Variants in ADAMTS5 observed in about 807,000 individuals in gnomAD.
ADAMTS5 encodes the protein ADAM metallopeptidase with thrombospondin type 1 motif 5, also known as A disintegrin and metalloproteinase with thrombospondin motifs 5.
A neutral mutation model predicts 81.4 loss-of-function variants in ADAMTS5; 54 were observed. The ratio of observed to expected loss-of-function variants is 0.66; its 90% CI spans 0.53 to 0.83. The LOEUF is 0.83. Among genes scored for constraint, ADAMTS5 ranks in the 40% least tolerant of loss-of-function variants. The pLI is 0.00. For missense variants in ADAMTS5, 1,194 were observed against 1,229.9 expected (o/e 0.97, Z 0.44); for synonymous variants, 532 against 508.8 (o/e 1.05, Z -0.61).
chr21:26,931,945 T>G, intron 6 of ADAMTS5, 59 bp downstream of exon 6: 1 of 1,496,510 alleles, frequency 6.7e-7, no homozygotes. Flanking sequence ...CAGGCTTCAT[T>G]CTACCAAATA....
At position 26,933,016 on chromosome 21, in the gene ADAMTS5, C is replaced by T; in HGVS notation, c.1718G>A (p.Trp573Ter). 1 of 1,613,434 alleles carries T rather than the reference C, an allele frequency of 6.2e-7. No homozygotes were observed. Among genetic ancestry groups the T allele is most frequent in the Non-Finnish European group, 8.5e-7 (1 of 1,179,826 alleles). Reference sequence around the variant, plus strand: ...GCGAGAACACTGGCCCCAGGATCCCCAAGATCCCCAGTTGCCATGGCTTGA... The same window carrying T: ...GCGAGAACACTGGCCCCAGGATCCCTAAGATCCCCAGTTGCCATGGCTTGA... ...STSSHGNWGS[W>*]GSWGQCSRSC... Residue 573 changes from tryptophan to a stop codon, truncating the protein, a stop_gained, in exon 5 of 8, where the codon TGG (tryptophan) becomes TAG (stop). Transcript: ENST00000284987. LOFTEE classifies it high-confidence loss of function.
In ADAMTS5 at chr21:26,929,991, C is replaced by G; in HGVS notation, c.2120G>C (p.Gly707Ala). The stretch of plus-strand genomic sequence containing the variant: ...CTTTGAGCCAATGATGCCGTCACAG[C>G]CAGTTCTCACACACTTCCCCCGGAC... ...VCVRGKCVRT[G>A]CDGIIGSKLQ... Residue 707 changes from glycine to alanine, a missense_variant, in exon 7 of 8, where the codon GGC becomes GCC. Gly to Ala is a moderately conservative substitution (Grantham distance 60, BLOSUM62 0). Around this residue, in one of 2 missense-constraint regions of ADAMTS5, gnomAD observed 696 missense variants for 817.6 expected, o/e 0.85. Coordinates refer to ENST00000284987, the MANE Select transcript of ADAMTS5 (RefSeq NM_007038.5). 3.7e-6 allele frequency: 6 copies of G among 1,614,150 alleles called. No homozygotes were observed. The highest frequency in any genetic ancestry group is 5.1e-6 in the Non-Finnish European group (6 of 1,180,012).
intron 6 of ADAMTS5, among the ~76,000 whole-genome samples, chr21:26,931,204 G>A (rs151056): frequency 0.31 from 47,759 of 151,638 alleles, 8,036 homozygotes; most frequent in South Asian, 0.46. Context: ...GTGCCACCAC[G>A]CCCAGCTAAT....
chr21:26,933,610 T>C (rs1986955626), intron 4 of ADAMTS5, among the ~76,000 whole-genome samples: 1 of 152,178 alleles, frequency 6.6e-6, no homozygotes. Context: ...GATACTGAAA[T>C]GCACTCACGC....
At chr21:26,927,184 A>ATCTGCACAGTGCCAAGGACAATG in intron 7 of ADAMTS5, among the ~76,000 whole-genome samples, 1 of 152,202 alleles carries the variant, frequency 6.6e-6, no homozygotes, top group Non-Finnish European at 1.5e-5. Context: ...GTTCAGGGCT[A>ATCTGCACAGTGCCAAGGACAATG]TCTGCACAGT....
At chr21:26,935,265 T>C (rs1986993042) in intron 3 of ADAMTS5, among the ~76,000 whole-genome samples, 1 of 152,128 alleles carries the variant, frequency 6.6e-6, no homozygotes, top group Non-Finnish European at 1.5e-5. Flanking sequence ...ATTCCATAAA[T>C]AATAGCCAAG....
At position 26,966,703 on chromosome 21, in the gene ADAMTS5, G is replaced by C. The variant is rs988074316; in HGVS notation, c.-312C>G. On this transcript the variant is annotated 5_prime_UTR_variant, in exon 1 of 8. Coordinates refer to ENST00000284987, the MANE Select transcript of ADAMTS5 (RefSeq NM_007038.5). ...TGGAGATTCAGCAAATACGGGAAAAGGAAAAAAACAAAAACCAAAAAACCA... is the reference window on the plus strand; with the variant it reads ...TGGAGATTCAGCAAATACGGGAAAACGAAAAAAACAAAAACCAAAAAACCA... Among the ~76,000 whole-genome samples, 1 of 150,226 alleles carries C rather than the reference G, an allele frequency of 6.7e-6. No homozygotes were observed. Among genetic ancestry groups the C allele is most frequent in the African/African-American group, 2.4e-5 (1 of 40,820 alleles).
chr21:26,954,550 G>A (rs555195427), intron 2 of ADAMTS5, among the ~76,000 whole-genome samples, 189 bp downstream of exon 2: 3 of 152,252 alleles, frequency 2.0e-5, no homozygotes, highest in Admixed American at 1.3e-4. Flanking sequence ...AACATCCACC[G>A]TGTTGCTGAC....
intron 1 of ADAMTS5, among the ~76,000 whole-genome samples, chr21:26,957,350 TAC>T (rs1190940374): frequency 6.6e-6 from 1 of 152,194 alleles, no homozygotes; most frequent in East Asian, 1.9e-4. Context: ...TATATGTGTA[TAC>T]ATATATACAC....
chr21:26,962,979 C>T (rs1041494034), intron 1 of ADAMTS5, among the ~76,000 whole-genome samples: 3 of 151,908 alleles, frequency 2.0e-5, no homozygotes, highest in African/African-American at 7.3e-5. Flanking sequence ...TAATTAGTAA[C>T]ACTCTTTTAA....
At chr21:26,940,643 C>A (rs1047827979) in intron 3 of ADAMTS5, among the ~76,000 whole-genome samples, 5 of 152,126 alleles carry the variant, frequency 3.3e-5, no homozygotes, top group Non-Finnish European at 5.9e-5. Context: ...AATGGTAGAA[C>A]TGTAAAATAC....
intron 5 of ADAMTS5, among the ~76,000 whole-genome samples, chr21:26,932,520 C>T (rs971523527): frequency 3.3e-5 from 5 of 151,962 alleles, no homozygotes; most frequent in Non-Finnish European, 5.9e-5. Flanking sequence ...AGTGAAACCC[C>T]GTCTCTACTA....
rs1277339016 is a variant in ADAMTS5 at position 26,966,251 on chromosome 21, C to A, written c.141G>T (p.Gln47His). 1 of 1,596,224 alleles carries A rather than the reference C, an allele frequency of 6.3e-7. No homozygotes were observed. Among genetic ancestry groups the A allele is most frequent in the East Asian group, 2.3e-5 (1 of 44,274 alleles). ...AAAAAQPRRR[Q>H]GEEVQERAEP... The stretch of plus-strand genomic sequence containing the variant: ...CGGCTCGCTCCTGCACCTCCTCCCC[C>A]TGCCGCCGGCGGGGCTGGGCGGCTG... The change falls in exon 1 of 8, where the codon CAG becomes CAT. Residue 47 changes from glutamine (Q) to histidine (H), a missense_variant. Coordinates refer to ENST00000284987, the MANE Select transcript of ADAMTS5 (RefSeq NM_007038.5).
rs759969916 is a variant in ADAMTS5 at position 26,932,987 on chromosome 21, A to G, written c.1747T>C (p.Cys583Arg). 6.2e-7 allele frequency: 1 copy of G among 1,613,996 alleles called. No individual in the cohort carries two copies. The highest frequency in any genetic ancestry group is 8.5e-7 in the Non-Finnish European group (1 of 1,179,984). The change falls in exon 5 of 8, where the codon TGT (cysteine) becomes CGT (arginine). Residue 583 changes from cysteine to arginine, a missense_variant. By Grantham distance (180) the Cys-to-Arg change is radical (BLOSUM62 -3). This residue lies in a region of ADAMTS5 where 696 missense variants were observed against 817.6 expected (regional missense o/e 0.85). Coordinates refer to ENST00000284987, the MANE Select transcript of ADAMTS5 (RefSeq NM_007038.5). Reference sequence around the variant, plus strand: ...TAGGCAAACTGCACTCCTCCTCCACATGAGCGAGAACACTGGCCCCAGGAT... The same window carrying G: ...TAGGCAAACTGCACTCCTCCTCCACGTGAGCGAGAACACTGGCCCCAGGAT... The part of the protein sequence containing the change: ...WGSWGQCSRS[C>R]GGGVQFAYRH...
chr21:26,948,962 T>C (rs146888240), intron 2 of ADAMTS5, among the ~76,000 whole-genome samples: 16 of 151,946 alleles, frequency 1.1e-4, no homozygotes, highest in South Asian at 2.1e-4. Context: ...GACCCACTAA[T>C]GGTACTTACC....
rs139139882 is a variant in ADAMTS5, at chr21:26,938,432, C to T, written c.1406-3683G>A. ...CCACTAAAGGTGTTGGAAGGAATGC[C>T]ACGCCTCCAGGAAATGGAACAGAAA... On this transcript the variant is annotated intron_variant, in intron 3 of 7. Coordinates refer to ENST00000284987, the MANE Select transcript of ADAMTS5 (RefSeq NM_007038.5). Among the ~76,000 whole-genome samples the T allele has an allele frequency of 4.8e-3, 734 of 152,268 alleles. 2 individuals carry two copies. The highest frequency in any genetic ancestry group is 7.8e-3 in the Non-Finnish European group (534 of 68,026).
chr21:26,945,249 C>T (rs1428227630), intron 2 of ADAMTS5, among the ~76,000 whole-genome samples: 2 of 151,912 alleles, frequency 1.3e-5, no homozygotes, highest in East Asian at 1.9e-4. Flanking sequence ...CTACACTTCC[C>T]GAAATTTTCC....
intron 7 of ADAMTS5, among the ~76,000 whole-genome samples, chr21:26,927,749 T>C (rs895782370): frequency 1.3e-5 from 2 of 152,022 alleles, no homozygotes. Context: ...TAAGATGAGA[T>C]TGAGGAGCAA....
intron 3 of ADAMTS5, among the ~76,000 whole-genome samples, chr21:26,938,559 T>A (rs1418564840): frequency 6.6e-6 from 1 of 152,192 alleles, no homozygotes; most frequent in African/African-American, 2.4e-5. Context: ...AGATGGAGTC[T>A]AGCTCTGTTG....
Sources: gnomAD v4.1 joint callset for allele counts (sites outside exome capture counted in the v4.1 genomes callset) on GRCh38, gnomAD v4.1.1 for gene constraint, gnomAD v4.1.1 regional missense constraint, MANE v1.5 for transcripts, NCBI Gene and HGNC (gene_info 2026-07-23, HGNC 2026-07-21) for gene names.